The following FAM117B variants were observed in gnomAD, a reference collection of about 807,000 sequenced individuals.
FAM117B encodes the protein family with sequence similarity 117 member B, also known as protein FAM117B.
Under a neutral mutation model 52.8 loss-of-function variants are expected in FAM117B, and 22 were observed. That is an observed-to-expected ratio of 0.42 (90% CI 0.30 to 0.59). The LOEUF (loss-of-function observed/expected upper bound fraction) is 0.59. Ranked by LOEUF, FAM117B falls within the 20% of genes least tolerant of loss-of-function variation. The probability of loss-of-function intolerance (pLI) is 0.22; values close to 1 mark genes in which losing one functional copy is unlikely to be tolerated. For missense variants in FAM117B, 678 were observed against 802.6 expected, an observed-to-expected ratio of 0.84 and a Z score of 1.88; for synonymous variants, 309 against 324.1, an observed-to-expected ratio of 0.95 and a Z score of 0.50.
chr2:202,730,530 CGT>C (rs1325223472), intron 4 of FAM117B, among the ~76,000 whole-genome samples: 1 of 151,936 alleles, frequency 6.6e-6, no homozygotes, highest in Non-Finnish European at 1.5e-5. Flanking sequence ...ATAAGCTAGG[CGT>C]GGTGCCGCGT....
At chr2:202,720,405 G>A (rs946753725) in intron 2 of FAM117B, among the ~76,000 whole-genome samples, 2 of 136,276 alleles carry the variant, frequency 1.5e-5, no homozygotes, top group African/African-American at 5.5e-5. Flanking sequence ...CCTGTCGTGT[G>A]TGTGTGTGTG....
intron 6 of FAM117B, among the ~76,000 whole-genome samples, chr2:202,758,493 A>G (rs1691837189): frequency 6.6e-6 from 1 of 152,184 alleles, no homozygotes; most frequent in Non-Finnish European, 1.5e-5. Flanking sequence ...GGCCTCTGTG[A>G]ATTTCTTTTG....
intron 1 of FAM117B, among the ~76,000 whole-genome samples, chr2:202,661,636 C>A (rs1026238607): frequency 6.6e-6 from 1 of 152,100 alleles, no homozygotes; most frequent in African/African-American, 2.4e-5. Flanking sequence ...TATTTTTAGG[C>A]CAGGTGCATT....
At chr2:202,663,057 A>G (rs1299906708) in intron 1 of FAM117B, among the ~76,000 whole-genome samples, 1 of 152,246 alleles carries the variant, frequency 6.6e-6, no homozygotes, top group Non-Finnish European at 1.5e-5. Flanking sequence ...AAAATTATAC[A>G]TTCATAGTTT....
At chr2:202,654,104 T>TGA in intron 1 of FAM117B, among the ~76,000 whole-genome samples, 1 of 138,568 alleles carries the variant, frequency 7.2e-6, no homozygotes, top group South Asian at 2.3e-4. Context: ...AGAGTGAGAG[T>TGA]GTGTGTGTGT....
Position 202,726,348 on chromosome 2 carries a change from T to C in FAM117B, c.945T>C (p.Ala315=), listed in dbSNP as rs1382245323. Residue 315 remains alanine, a synonymous_variant, in exon 4 of 8, where the codon GCT becomes GCC. Transcript: ENST00000392238. ...RQSPFHGNHA[A]INQCQAPVPK... is the part of the protein sequence containing the mutation. ...CTCCATTTCATGGCAACCATGCAGC[T>C]ATTAACCAGTGTCAGGTAAGAGTAC... 6.2e-7 allele frequency: 1 copy of C among 1,612,460 alleles called. No homozygotes were observed. The highest frequency in any genetic ancestry group is 1.3e-5 in the African/African-American group (1 of 74,900).
chr2:202,738,226 T>C (rs1691471394), intron 4 of FAM117B, among the ~76,000 whole-genome samples: 1 of 152,238 alleles, frequency 6.6e-6, no homozygotes, highest in African/African-American at 2.4e-5. Flanking sequence ...TCTTACTGTC[T>C]TTCACAGAGC....
chr2:202,642,811 A>G (rs1424030851), intron 1 of FAM117B, among the ~76,000 whole-genome samples: 1 of 152,208 alleles, frequency 6.6e-6, no homozygotes, highest in African/African-American at 2.4e-5. Context: ...GGTGGATAAA[A>G]TGATAGGGAA....
intron 2 of FAM117B, among the ~76,000 whole-genome samples, chr2:202,697,980 T>C (rs1690738247): frequency 6.6e-6 from 1 of 152,100 alleles, no homozygotes; most frequent in East Asian, 1.9e-4. Flanking sequence ...AGCAATTCTC[T>C]TGCCTCAGCC....
At chr2:202,740,173 CCAAAAAAA>C (rs1482990280) in intron 4 of FAM117B, among the ~76,000 whole-genome samples, 909 of 69,674 alleles carry the variant, frequency 0.013, 66 homozygotes, top group Non-Finnish European at 0.018. Context: ...ACTTCATCCC[CCAAAAAAA>C]AAAAAAAAAA....
rs550151589 is a variant in FAM117B, at chr2:202,745,783, G to T, written c.961-9755G>T. On this transcript the variant is annotated intron_variant, in intron 4 of 7. Transcript: ENST00000392238. ...TATTCCACGCAAATGGAAACCAAAA[G>T]TATGCAGGATTCGCTGTATTTGTAT... Among the ~76,000 whole-genome samples, 324 of 152,298 alleles carry T rather than the reference G, an allele frequency of 2.1e-3. 1 individual carries two copies. The highest frequency in any genetic ancestry group is 7.3e-3 in the African/African-American group (303 of 41,558).
chr2:202,635,249 C>T lies in FAM117B; in HGVS notation c.62C>T (p.Ala21Val), dbSNP rs932852617. 18 of 1,352,132 alleles carry T rather than the reference C, an allele frequency of 1.3e-5. No individual in the cohort carries two copies. Among genetic ancestry groups the T allele is most frequent in the African/African-American group, 3.0e-5 (2 of 65,966 alleles). 83.8% of individuals were successfully genotyped at this position (1,352,132 alleles called of 1,614,324 possible). A position where few individuals can be genotyped will look rare whatever the true frequency, so the allele number is the denominator to read the frequency against. The change falls in exon 1 of 8, where the codon GCG (alanine) becomes GTG (valine). Residue 21 changes from alanine (A) to valine (V), a missense_variant. Ala to Val is a moderately conservative substitution (Grantham distance 64). Around this residue, in one of 3 missense-constraint regions of FAM117B, gnomAD observed 583 missense variants for 644.8 expected, o/e 0.90. Transcript: ENST00000392238. ...CCGGCCGGCTCCCTTGGGGGTGGTG[C>T]GGTGGCCACGGCCGGGGGACCCGGG... ...PTPAGSLGGG[A>V]VATAGGPGSR...
intron 4 of FAM117B, among the ~76,000 whole-genome samples, chr2:202,746,608 G>A (rs187611845): frequency 1.9e-3 from 285 of 152,038 alleles, no homozygotes; most frequent in South Asian, 2.1e-3. Flanking sequence ...AAAGATAAGC[G>A]TGAACAACTA....
At chr2:202,763,318 C>A (rs989662179) in intron 7 of FAM117B, among the ~76,000 whole-genome samples, 3 of 152,062 alleles carry the variant, frequency 2.0e-5, no homozygotes, top group African/African-American at 7.2e-5. Flanking sequence ...ATGATCCGCT[C>A]GCCTTGGCCT....
chr2:202,641,057 T>C (rs1403071017), intron 1 of FAM117B, among the ~76,000 whole-genome samples: 3 of 152,258 alleles, frequency 2.0e-5, no homozygotes, highest in Admixed American at 1.3e-4. Context: ...CTCTGTGTTA[T>C]TAACAGTGTA....
chr2:202,652,517 C>T (rs1689972513), intron 1 of FAM117B, among the ~76,000 whole-genome samples: 1 of 152,108 alleles, frequency 6.6e-6, no homozygotes, highest in South Asian at 2.1e-4. Flanking sequence ...TTGCAGTATT[C>T]AGGGGTTAAC....
chr2:202,755,743 T>C, intron 5 of FAM117B, 62 bp downstream of exon 5: 1 of 1,492,406 alleles, frequency 6.7e-7, no homozygotes, highest in Non-Finnish European at 9.0e-7. Flanking sequence ...AATGCACAGT[T>C]TGGGTTTCCA....
At chr2:202,711,555 C>G (rs933986526) in intron 2 of FAM117B, among the ~76,000 whole-genome samples, 2 of 152,060 alleles carry the variant, frequency 1.3e-5, no homozygotes, top group Admixed American at 1.3e-4. Flanking sequence ...CTTGATATGA[C>G]CCTATTTGTC....
intron 1 of FAM117B, among the ~76,000 whole-genome samples, chr2:202,639,696 AT>A (rs947168495): frequency 9.9e-5 from 15 of 152,188 alleles, no homozygotes; most frequent in African/African-American, 3.6e-4. Context: ...TATCTGTGAA[AT>A]GGGTGGTGAA....
Sources: allele counts gnomAD v4.1 joint callset (sites outside exome capture counted in the v4.1 genomes callset), GRCh38; gene constraint gnomAD v4.1.1; regional missense constraint gnomAD v4.1.1; transcripts MANE v1.5; gene names NCBI Gene and HGNC (gene_info 2026-07-23, HGNC 2026-07-21).